The following CACNB2 variants were observed in gnomAD, a reference collection of about 807,000 sequenced individuals.
The protein encoded by CACNB2 is voltage-dependent L-type calcium channel subunit beta-2.
Under a neutral mutation model 73.3 loss-of-function variants are expected in CACNB2, and 42 were observed. The ratio of observed to expected loss-of-function variants is 0.57; its 90% CI spans 0.45 to 0.74. The LOEUF is 0.74. Ranked by LOEUF, CACNB2 falls within the 30% of genes least tolerant of loss-of-function variation. The probability of loss-of-function intolerance (pLI) is 0.00; values close to 1 mark genes in which losing one functional copy is unlikely to be tolerated. For missense variants in CACNB2, 940 were observed against 853.0 expected, an observed-to-expected ratio of 1.10 and a Z score of -1.27; for synonymous variants, 348 against 310.3, an observed-to-expected ratio of 1.12 and a Z score of -1.28.
At chr10:18,364,374 C>T (rs1356109758) in intron 2 of CACNB2, among the ~76,000 whole-genome samples, 1 of 151,388 alleles carries the variant, frequency 6.6e-6, no homozygotes, top group African/African-American at 2.4e-5. Flanking sequence ...GATCTCGGCT[C>T]ATTGTAACTT....
chr10:18,455,544 G>A (rs2047236487), intron 3 of CACNB2, among the ~76,000 whole-genome samples: 1 of 152,236 alleles, frequency 6.6e-6, no homozygotes, highest in Admixed American at 6.5e-5. Context: ...CTCTTCCTTA[G>A]GGGATAAATA....
chr10:18,308,209 G>C (rs1320141766), intron 2 of CACNB2, among the ~76,000 whole-genome samples: 1 of 152,002 alleles, frequency 6.6e-6, no homozygotes, highest in African/African-American at 2.4e-5. Context: ...GGCCAGGCTA[G>C]TCTCGAACTC....
At chr10:18,241,393 G>A (rs982759499) in intron 2 of CACNB2, among the ~76,000 whole-genome samples, 1 of 152,144 alleles carries the variant, frequency 6.6e-6, no homozygotes, top group Non-Finnish European at 1.5e-5. Flanking sequence ...AAAGATGCAG[G>A]TGACCTACAG....
chr10:18,370,618 A>G (rs117008145), intron 2 of CACNB2, among the ~76,000 whole-genome samples: 4 of 152,346 alleles, frequency 2.6e-5, no homozygotes, highest in Non-Finnish European at 4.4e-5. Context: ...CATCTTAACA[A>G]GAACCCCAGG....
At chr10:18,150,763 T>C (rs777321632) in intron 1 of CACNB2, 120 bp from the exon 2 acceptor site, 6 of 635,770 alleles carry the variant, frequency 9.4e-6, no homozygotes, top group Non-Finnish European at 5.4e-6. Context: ...GATGCTTACA[T>C]GATGGCAATG....
intron 2 of CACNB2, among the ~76,000 whole-genome samples, chr10:18,363,917 G>A (rs1405328265): frequency 6.7e-6 from 1 of 149,526 alleles, no homozygotes; most frequent in Non-Finnish European, 1.5e-5. Context: ...TATTAATGCT[G>A]TTGCGAATAG....
chr10:18,469,472 A>G (rs1311861227), intron 3 of CACNB2, among the ~76,000 whole-genome samples: 1 of 152,162 alleles, frequency 6.6e-6, no homozygotes, highest in Non-Finnish European at 1.5e-5. Flanking sequence ...AGTTAGCTCA[A>G]CTTTTTAGCA....
chr10:18,285,716 C>A (rs1388105460), intron 2 of CACNB2, among the ~76,000 whole-genome samples: 1 of 152,176 alleles, frequency 6.6e-6, no homozygotes, highest in Non-Finnish European at 1.5e-5. Flanking sequence ...TATCAGCAAG[C>A]TTTTAATTTT....
chr10:18,237,130 G>A (rs2036476123), intron 2 of CACNB2, among the ~76,000 whole-genome samples: 1 of 152,290 alleles, frequency 6.6e-6, no homozygotes, highest in East Asian at 1.9e-4. Context: ...TAAATGCATA[G>A]AGGTAGCAAC....
chr10:18,260,721 T>G, intron 2 of CACNB2: 1 of 1,000,114 alleles, frequency 1.0e-6, no homozygotes, highest in Non-Finnish European at 1.2e-6. Context: ...TGTCAGCCTG[T>G]GCATTGTGAA....
Position 18,315,529 on chromosome 10 carries a change from C to CA in CACNB2, c.214-86395_214-86394insA, listed in dbSNP as rs869158666. ...AAAAAAAAAAAAAAAAAAAAAAAAACTTTTTTTTTTTTTAATTAGCCAGAT... is the reference window on the plus strand; with the variant it reads ...AAAAAAAAAAAAAAAAAAAAAAAAACATTTTTTTTTTTTTAATTAGCCAGAT... On this transcript the variant is annotated intron_variant, in intron 2 of 13. Transcript: ENST00000324631. Among the ~76,000 whole-genome samples, 43 of 65,574 alleles carry CA rather than the reference C, an allele frequency of 6.6e-4. 1 individual carries two copies. The highest frequency in any genetic ancestry group is 1.2e-3 in the South Asian group (2 of 1,624). The allele number at this position is 65,574 out of a possible 152,430, so 43.0% of individuals were successfully genotyped here.
intron 2 of CACNB2, among the ~76,000 whole-genome samples, chr10:18,329,785 T>C (rs2040728293): frequency 6.6e-6 from 1 of 150,424 alleles, no homozygotes; most frequent in South Asian, 2.1e-4. Context: ...TAAAATATTT[T>C]ATGTTTATTT....
chr10:18,397,857 C>A (rs2043795473), intron 2 of CACNB2, among the ~76,000 whole-genome samples: 1 of 152,004 alleles, frequency 6.6e-6, no homozygotes, highest in East Asian at 1.9e-4. Flanking sequence ...AGGTGATGAT[C>A]CTGGGAGGAA....
chr10:18,461,764 CTTTT>C (rs35385599), intron 3 of CACNB2, among the ~76,000 whole-genome samples: 1 of 68,020 alleles, frequency 1.5e-5, no homozygotes, highest in Admixed American at 2.3e-4. Flanking sequence ...TTCGATAAAG[CTTTT>C]TTTTTTTTTT....
intron 2 of CACNB2, among the ~76,000 whole-genome samples, chr10:18,242,690 C>T (rs11013137): frequency 0.41 from 62,013 of 151,770 alleles, 14,543 homozygotes; most frequent in Non-Finnish European, 0.52. Flanking sequence ...TTAAAGAAAA[C>T]ATGCAAAAAG....
chr10:18,516,085 G>C (rs2051248464), intron 7 of CACNB2, among the ~76,000 whole-genome samples: 1 of 151,970 alleles, frequency 6.6e-6, no homozygotes, highest in South Asian at 2.1e-4. Flanking sequence ...CATGGTGGCA[G>C]GCACCTGTAA....
In CACNB2 at chr10:18,243,759, G is replaced by A. The variant is rs564377966; in HGVS notation, c.213+92784G>A. Among the ~76,000 whole-genome samples the A allele has an allele frequency of 8.5e-5, 13 of 152,090 alleles. No homozygotes were observed. The East Asian group carries it at 1.4e-3, about 16-fold the overall frequency. ...TTCTACACACACCTGATCCCCTTCC[G>A]GCTGCTGAGTGGAAGCAGCCTGAGG... On this transcript the variant is annotated intron_variant, in intron 2 of 13. Coordinates refer to ENST00000324631, the MANE Select transcript of CACNB2 (RefSeq NM_201596.3).
At chr10:18,408,934 C>T (rs964642545) in intron 3 of CACNB2, among the ~76,000 whole-genome samples, 2 of 152,106 alleles carry the variant, frequency 1.3e-5, no homozygotes, top group Admixed American at 6.5e-5. Context: ...CTTACTGCAT[C>T]CTCGAGCTCC....
At chr10:18,386,205 C>T (rs1050705099) in intron 2 of CACNB2, among the ~76,000 whole-genome samples, 2 of 151,914 alleles carry the variant, frequency 1.3e-5, no homozygotes, top group Admixed American at 6.6e-5. Flanking sequence ...AGCTTAAAAC[C>T]GTTTCTTTTT....
Sources: allele counts gnomAD v4.1 joint callset (sites outside exome capture counted in the v4.1 genomes callset), GRCh38; gene constraint gnomAD v4.1.1; transcripts MANE v1.5; gene names NCBI Gene and HGNC (gene_info 2026-07-23, HGNC 2026-07-21).